The following IL17RA variants were observed in gnomAD, a reference collection of about 807,000 sequenced individuals.
IL17RA encodes the protein interleukin-17 receptor A.
IL17RA carries 34 observed loss-of-function variants against 50.4 expected under a neutral mutation model. The observed-to-expected ratio is 0.67, with a 90% CI of 0.51 to 0.90. IL17RA has a LOEUF of 0.90. IL17RA is among the 40% of genes least tolerant of loss of function. The probability of loss-of-function intolerance (pLI) is 0.00; values close to 1 mark genes in which losing one functional copy is unlikely to be tolerated. For missense variants in IL17RA, 1,276 were observed against 1,169.8 expected (o/e 1.09, Z -1.32); for synonymous variants, 585 against 510.4 (o/e 1.15, Z -1.97).
At chr22:17,089,956 A>T (rs1178675849) in intron 1 of IL17RA, among the ~76,000 whole-genome samples, 1 of 151,334 alleles carries the variant, frequency 6.6e-6, no homozygotes, top group Admixed American at 6.6e-5. Flanking sequence ...GATATGTCTT[A>T]GTAATATCCT....
rs148692192 is a variant in IL17RA, at chr22:17,100,387, C to T, written c.456C>T (p.Asp152=). 17 of 1,614,016 alleles carry T rather than the reference C, an allele frequency of 1.1e-5. No individual in the cohort carries two copies. Among genetic ancestry groups the T allele is most frequent in the East Asian group, 2.2e-5 (1 of 44,898 alleles). Reference sequence around the variant, plus strand: ...TTACCTTCAGCCACTTTGTGGTTGACCCTGACCAGGAATATGAGGTGACCG... The same window carrying T: ...TTACCTTCAGCCACTTTGTGGTTGATCCTGACCAGGAATATGAGGTGACCG... The part of the protein sequence containing the change: ...WRFTFSHFVV[D]PDQEYEVTVH... Residue 152 remains aspartate, a synonymous_variant, in exon 5 of 13, where the codon GAC becomes GAT. Transcript: ENST00000319363.
Position 17,109,990 on chromosome 22 carries a change from G to C in IL17RA, c.*170G>C, listed in dbSNP as rs2061434073. On this transcript the variant is annotated 3_prime_UTR_variant, in exon 13 of 13. Transcript: ENST00000319363. ...CAGGCATCCCTCCTAACTTTTCTTTGTGCAGCGGTCTGGTTATCGTCTATC... is the reference window on the plus strand; with the variant it reads ...CAGGCATCCCTCCTAACTTTTCTTTCTGCAGCGGTCTGGTTATCGTCTATC... The C allele has an allele frequency of 2.8e-6, 2 of 707,826 alleles. No homozygotes were observed. Among genetic ancestry groups the C allele is most frequent in the Non-Finnish European group, 4.6e-6 (2 of 432,346 alleles). The allele number at this position is 707,826 out of a possible 1,614,324, so 43.8% of individuals were successfully genotyped here.
At chr22:17,087,754 T>C (rs1476526103) in intron 1 of IL17RA, among the ~76,000 whole-genome samples, 1 of 152,224 alleles carries the variant, frequency 6.6e-6, no homozygotes, top group Non-Finnish European at 1.5e-5. Context: ...CTAGGCTTCA[T>C]GCAGGTTTCC....
chr22:17,107,495 CAG>C (rs762958701), intron 11 of IL17RA, among the ~76,000 whole-genome samples: 3 of 152,268 alleles, frequency 2.0e-5, no homozygotes, highest in Non-Finnish European at 2.9e-5. Flanking sequence ...ACCCACCTCA[CAG>C]AGGAAGAAGC....
In IL17RA at chr22:17,114,307, C is replaced by G. The variant is rs1445944390; in HGVS notation, c.*4487C>G. ...TGGCTCTCCATGCCCCATCGCCTCT[C>G]CCAGATCCTAGCACTGGGTCCACAC... On this transcript the variant is annotated 3_prime_UTR_variant, in exon 13 of 13. Coordinates refer to ENST00000319363, the MANE Select transcript of IL17RA (RefSeq NM_014339.7). 2.0e-5 allele frequency: 3 copies of G among 152,316 alleles called. No homozygotes were observed. Among genetic ancestry groups the G allele is most frequent in the Admixed American group, 6.5e-5 (1 of 15,284 alleles). The allele number at this position is 152,316 out of a possible 1,614,324, so 9.4% of individuals were successfully genotyped here. A position where few individuals can be genotyped will look rare whatever the true frequency, so the allele number is the denominator to read the frequency against.
chr22:17,108,495 A>G lies in IL17RA; in HGVS notation c.1276A>G (p.Met426Val), dbSNP rs1226936494. 3 of 1,613,010 alleles carry G rather than the reference A, an allele frequency of 1.9e-6. No individual in the cohort carries two copies. Among genetic ancestry groups the G allele is most frequent in the South Asian group, 2.2e-5 (2 of 91,096 alleles). ...GCAGGCCATCTCGGAGGCAGGAGTC[A>G]TGACCTGGGTGGGCCGTCAGAAGCA... ...EEQAISEAGV[M>V]TWVGRQKQEM... Residue 426 changes from methionine to valine, a missense_variant, in exon 13 of 13, where the codon ATG becomes GTG. Physicochemically the swap from Met to Val is conservative, Grantham distance 21. Transcript: ENST00000319363.
intron 1 of IL17RA, among the ~76,000 whole-genome samples, chr22:17,085,459 C>A (rs1381230581): frequency 6.6e-6 from 1 of 152,040 alleles, no homozygotes. Context: ...TGGCACATCG[C>A]GCGGCGCGTG....
At chr22:17,089,112 T>A (rs2061338842) in intron 1 of IL17RA, among the ~76,000 whole-genome samples, 1 of 151,976 alleles carries the variant, frequency 6.6e-6, no homozygotes, top group African/African-American at 2.4e-5. Context: ...TTAATTTTTT[T>A]AGTAGAGACA....
At position 17,109,632 on chromosome 22, in the gene IL17RA, C is replaced by T. The variant is rs1362868958; in HGVS notation, c.2413C>T (p.Pro805Ser). ...CATCTCCAGGAGCTCCCCGCAGCCCCCCGAGGGACTCACGGAAATGGAGGA... is the reference window on the plus strand; with the variant it reads ...CATCTCCAGGAGCTCCCCGCAGCCCTCCGAGGGACTCACGGAAATGGAGGA... ...GYISRSSPQP[P>S]EGLTEMEEEE... is the part of the protein sequence containing the mutation. Residue 805 changes from proline (P) to serine (S), a missense_variant, in exon 13 of 13, where the codon CCC becomes TCC. Pro to Ser is a moderately conservative substitution (Grantham distance 74). Transcript: ENST00000319363. 1.2e-6 allele frequency: 2 copies of T among 1,608,636 alleles called. No homozygotes were observed. The highest frequency in any genetic ancestry group is 1.7e-6 in the Non-Finnish European group (2 of 1,178,026).
Position 17,108,562 on chromosome 22 carries a change from C to T in IL17RA, c.1343C>T (p.Ser448Phe). The T allele has an allele frequency of 1.2e-6, 2 of 1,607,768 alleles. No homozygotes were observed. Among genetic ancestry groups the T allele is most frequent in the Non-Finnish European group, 1.7e-6 (2 of 1,179,978 alleles). Residue 448 changes from serine to phenylalanine, a missense_variant, in exon 13 of 13, where the codon TCC becomes TTC. Ser to Phe is a radical substitution (Grantham distance 155). Coordinates refer to ENST00000319363, the MANE Select transcript of IL17RA (RefSeq NM_014339.7). Reference sequence around the variant, plus strand: ...AACTCTAAGATCATCGTCCTGTGCTCCCGCGGCACGCGCGCCAAGTGGCAG... The same window carrying T: ...AACTCTAAGATCATCGTCCTGTGCTTCCGCGGCACGCGCGCCAAGTGGCAG... ...ESNSKIIVLC[S>F]RGTRAKWQAL...
chr22:17,109,545 A>G lies in IL17RA; in HGVS notation c.2326A>G (p.Thr776Ala). The change falls in exon 13 of 13, where the codon ACA (threonine) becomes GCA (alanine). Residue 776 changes from threonine (T) to alanine (A), a missense_variant. Coordinates refer to ENST00000319363, the MANE Select transcript of IL17RA (RefSeq NM_014339.7). ...GGCSRPAMVL[T>A]DPHTPYEEEQ... is the part of the protein sequence containing the mutation. ...CTGCAGTAGACCCGCCATGGTCCTC[A>G]CAGACCCACACACGCCCTACGAGGA... The G allele has an allele frequency of 6.3e-7, 1 of 1,599,612 alleles. No homozygotes were observed. The highest frequency in any genetic ancestry group is 1.1e-5 in the South Asian group (1 of 89,224).
chr22:17,104,823 C>T lies in IL17RA; in HGVS notation c.931+13C>T, dbSNP rs377707677. ...CCAGACACTCCAGGTAGGGGACATG[C>T]GGCTGTCCTAGGCCATACTGGGAGA... On this transcript the variant is annotated intron_variant, in intron 9 of 12. Transcript: ENST00000319363. 1.1e-5 allele frequency: 17 copies of T among 1,612,860 alleles called. No individual in the cohort carries two copies. The African/African-American group carries it at 1.2e-4, about 11-fold the overall frequency.
Position 17,109,846 on chromosome 22 carries a change from A to C in IL17RA, c.*26A>C. On this transcript the variant is annotated 3_prime_UTR_variant, in exon 13 of 13. Coordinates refer to ENST00000319363, the MANE Select transcript of IL17RA (RefSeq NM_014339.7). Reference sequence around the variant, plus strand: ...GGGCGGCTCCCCAGGGACCGCCCAGATCCCAGCTTTGAGAGAGGAGTGTGT... The same window carrying C: ...GGGCGGCTCCCCAGGGACCGCCCAGCTCCCAGCTTTGAGAGAGGAGTGTGT... The C allele has an allele frequency of 6.5e-7, 1 of 1,545,502 alleles. No homozygotes were observed. Among genetic ancestry groups the C allele is most frequent in the Non-Finnish European group, 8.7e-7 (1 of 1,145,280 alleles).
Position 17,105,920 on chromosome 22 carries a change from C to T in IL17RA, c.1011C>T (p.Ile337=). Residue 337 remains isoleucine (I), a synonymous_variant, in exon 11 of 13, where the codon ATC becomes ATT. Coordinates refer to ENST00000319363, the MANE Select transcript of IL17RA (RefSeq NM_014339.7). ...CCATCCTGCTGGTGGGCTCCGTCAT[C>T]CTGCTCATCGTCTGCATGACCTGGA... ...GISILLVGSV[I]LLIVCMTWRL... is the part of the protein sequence containing the mutation. The T allele has an allele frequency of 6.2e-7, 1 of 1,614,168 alleles. No individual in the cohort carries two copies. The highest frequency in any genetic ancestry group is 8.5e-7 in the Non-Finnish European group (1 of 1,180,002).
chr22:17,106,563 C>T (rs1170139400), intron 11 of IL17RA, among the ~76,000 whole-genome samples: 1 of 152,202 alleles, frequency 6.6e-6, no homozygotes, highest in African/African-American at 2.4e-5. Context: ...TGTCTTCTCC[C>T]ACCTGCAGCC....
chr22:17,103,403 C>T, intron 7 of IL17RA, 91 bp from the exon 8 acceptor site: 1 of 1,002,848 alleles, frequency 1.0e-6, no homozygotes, highest in Non-Finnish European at 1.6e-6. Context: ...GTGCTCTGGA[C>T]AGCCTCTCCA....
chr22:17,107,013 G>C (rs2061417649), intron 11 of IL17RA, among the ~76,000 whole-genome samples: 1 of 152,164 alleles, frequency 6.6e-6, no homozygotes, highest in Admixed American at 6.5e-5. Flanking sequence ...TGAGATTAAG[G>C]TTCTAAGTCG....
rs1258601666 is a variant in IL17RA, at chr22:17,102,169, A to T, written c.629A>T (p.Glu210Val). 1 of 1,614,152 alleles carries T rather than the reference A, an allele frequency of 6.2e-7. No individual in the cohort carries two copies. The highest frequency in any genetic ancestry group is 8.5e-7 in the Non-Finnish European group (1 of 1,180,020). ...GSLWDPNITV[E>V]TLEAHQLRVS... Reference sequence around the variant, plus strand: ...CTGTGGGACCCCAACATCACCGTGGAGACCCTGGAGGCCCACCAGCTGCGT... The same window carrying T: ...CTGTGGGACCCCAACATCACCGTGGTGACCCTGGAGGCCCACCAGCTGCGT... Residue 210 changes from glutamate (E) to valine (V), a missense_variant, in exon 7 of 13, where the codon GAG becomes GTG. Glu to Val is a moderately radical substitution (Grantham distance 121, BLOSUM62 -2). Coordinates refer to ENST00000319363, the MANE Select transcript of IL17RA (RefSeq NM_014339.7).
Position 17,110,175 on chromosome 22 carries a change from C to T in IL17RA, c.*355C>T, listed in dbSNP as rs1333190967. 2 of 354,398 alleles carry T rather than the reference C, an allele frequency of 5.6e-6. No homozygotes were observed. The highest frequency in any genetic ancestry group is 2.1e-5 in the African/African-American group (1 of 47,152). 22.0% of individuals were successfully genotyped at this position (354,398 alleles called of 1,614,324 possible). ...CGGCATGGCCCCAGCCATGAAGGAACTTAACCGCTAGTGCCGAGGACACGT... is the reference window on the plus strand; with the variant it reads ...CGGCATGGCCCCAGCCATGAAGGAATTTAACCGCTAGTGCCGAGGACACGT... On this transcript the variant is annotated 3_prime_UTR_variant, in exon 13 of 13. Coordinates refer to ENST00000319363, the MANE Select transcript of IL17RA (RefSeq NM_014339.7).
Sources: allele counts gnomAD v4.1 joint callset (sites outside exome capture counted in the v4.1 genomes callset), GRCh38; gene constraint gnomAD v4.1.1; transcripts MANE v1.5; gene names NCBI Gene and HGNC (gene_info 2026-07-23, HGNC 2026-07-21).